Variants in CTNNA2 observed in about 807,000 individuals in gnomAD.
CTNNA2 encodes the protein catenin alpha-2.
A neutral mutation model predicts 101.0 loss-of-function variants in CTNNA2; 42 were observed. The ratio of observed to expected loss-of-function variants is 0.42; its 90% CI spans 0.32 to 0.54. The LOEUF (loss-of-function observed/expected upper bound fraction) is 0.54. CTNNA2 is among the 20% of genes least tolerant of loss of function. The pLI is 0.14. For missense variants in CTNNA2, 871 were observed against 1,223.1 expected, an observed-to-expected ratio of 0.71 and a Z score of 4.29; for synonymous variants, 450 against 456.4, an observed-to-expected ratio of 0.99 and a Z score of 0.18.
At chr2:80,498,014 G>A (rs949510080) in intron 9 of CTNNA2, among the ~76,000 whole-genome samples, 2 of 152,084 alleles carry the variant, frequency 1.3e-5, no homozygotes, top group East Asian at 1.9e-4. Flanking sequence ...ATAAACGTGG[G>A]TTGCTATAAG....
chr2:79,941,510 C>G (rs1270030311), intron 7 of CTNNA2, among the ~76,000 whole-genome samples: 1 of 152,208 alleles, frequency 6.6e-6, no homozygotes, highest in Admixed American at 6.5e-5. Context: ...TATTGCCCCA[C>G]AAGTAGCAGG....
At chr2:79,209,622 A>G (rs1158908127) in intron 2 of CTNNA2, among the ~76,000 whole-genome samples, 1 of 152,204 alleles carries the variant, frequency 6.6e-6, no homozygotes, top group Admixed American at 6.5e-5. Flanking sequence ...GTTAAACAAT[A>G]CTGGGACCAG....
chr2:80,401,471 G>T (rs1025782993), intron 8 of CTNNA2, among the ~76,000 whole-genome samples: 7 of 152,168 alleles, frequency 4.6e-5, no homozygotes, highest in Non-Finnish European at 2.9e-5. Context: ...AGAAGACTTA[G>T]CTCAAGAGCA....
chr2:80,505,484 G>T (rs72916918), intron 9 of CTNNA2, among the ~76,000 whole-genome samples: 1 of 152,128 alleles, frequency 6.6e-6, no homozygotes, highest in Non-Finnish European at 1.5e-5. Flanking sequence ...TGCCATTAGC[G>T]TAAATTGAGA....
intron 7 of CTNNA2, among the ~76,000 whole-genome samples, chr2:80,135,162 G>A (rs1386802948): frequency 6.6e-6 from 1 of 152,170 alleles, no homozygotes; most frequent in Non-Finnish European, 1.5e-5. Flanking sequence ...GTGGGGATTA[G>A]GCTTGGGTGA....
chr2:79,802,784 A>G (rs1676269917), intron 3 of CTNNA2, among the ~76,000 whole-genome samples: 1 of 152,194 alleles, frequency 6.6e-6, no homozygotes, highest in African/African-American at 2.4e-5. Context: ...TTTGTGTGTG[A>G]CTGTTTATGA....
intron 9 of CTNNA2, among the ~76,000 whole-genome samples, chr2:80,429,377 C>T (rs1036564532): frequency 2.0e-5 from 3 of 152,062 alleles, no homozygotes; most frequent in Non-Finnish European, 2.9e-5. Context: ...ATAATTGACC[C>T]AATGTCACAT....
chr2:79,529,382 T>C (rs752861606), intron 1 of CTNNA2, among the ~76,000 whole-genome samples: 73 of 152,062 alleles, frequency 4.8e-4, no homozygotes, highest in Non-Finnish European at 1.0e-3. Flanking sequence ...GTGTTGATGA[T>C]GTAAAATATG....
chr2:79,361,094 T>C (rs992724642), intron 3 of CTNNA2, among the ~76,000 whole-genome samples: 1 of 152,198 alleles, frequency 6.6e-6, no homozygotes, highest in Non-Finnish European at 1.5e-5. Context: ...TGCTTAACTA[T>C]TATTACTTTC....
intron 9 of CTNNA2, among the ~76,000 whole-genome samples, chr2:80,494,891 C>T (rs1198027791): frequency 6.6e-6 from 1 of 152,102 alleles, no homozygotes; most frequent in African/African-American, 2.4e-5. Flanking sequence ...CAAAATAGTT[C>T]CCAAGGAGTC....
intron 9 of CTNNA2, among the ~76,000 whole-genome samples, chr2:80,430,551 A>C (rs1234972805): frequency 6.6e-6 from 1 of 152,166 alleles, no homozygotes; most frequent in African/African-American, 2.4e-5. Context: ...TATAAATATT[A>C]ACCTTGTACA....
intron 15 of CTNNA2, among the ~76,000 whole-genome samples, chr2:80,600,322 T>C (rs1697372854): frequency 1.3e-5 from 2 of 151,952 alleles, no homozygotes; most frequent in Non-Finnish European, 2.9e-5. Context: ...TAAAGGAATG[T>C]ATGAAAAGCA....
At chr2:80,402,253 C>A (rs893647811) in intron 8 of CTNNA2, among the ~76,000 whole-genome samples, 1 of 152,200 alleles carries the variant, frequency 6.6e-6, no homozygotes, top group African/African-American at 2.4e-5. Flanking sequence ...GGGTGCACCA[C>A]CTTCCCTGTA....
At chr2:80,237,845 G>A (rs898157939) in intron 7 of CTNNA2, among the ~76,000 whole-genome samples, 2 of 152,124 alleles carry the variant, frequency 1.3e-5, no homozygotes, top group African/African-American at 4.8e-5. Flanking sequence ...AAGTGGTGGT[G>A]GGTTGAGTTG....
intron 7 of CTNNA2, among the ~76,000 whole-genome samples, chr2:80,009,260 G>T (rs1305687259): frequency 3.3e-5 from 5 of 152,170 alleles, no homozygotes; most frequent in Non-Finnish European, 4.4e-5. Context: ...CTGCATCTGG[G>T]CCTTCAATGT....
chr2:80,100,741 T>G (rs1432575930), intron 7 of CTNNA2, among the ~76,000 whole-genome samples: 1 of 152,238 alleles, frequency 6.6e-6, no homozygotes, highest in African/African-American at 2.4e-5. Flanking sequence ...ACTCTTCGTC[T>G]GAGGCTTGAA....
intron 7 of CTNNA2, among the ~76,000 whole-genome samples, chr2:80,152,316 TG>T (rs1294990692): frequency 1.0e-3 from 151 of 144,510 alleles, no homozygotes; most frequent in Middle Eastern, 3.4e-3. Context: ...TGCCACTTGA[TG>T]TTTTTTTTTT....
chr2:79,218,350 T>TGTGC lies in CTNNA2; in HGVS notation c.-406+20274_-406+20275insGTGC, dbSNP rs1553383232. Among the ~76,000 whole-genome samples, 5 of 60,068 alleles carry TGTGC rather than the reference T, an allele frequency of 8.3e-5. No homozygotes were observed. The South Asian group carries it at 2.5e-3, about 30-fold the overall frequency. 39.4% of individuals were successfully genotyped at this position (60,068 alleles called of 152,430 possible). On this transcript the variant is annotated intron_variant, in intron 2 of 21. Transcript: ENST00000466387. ...GTGTGTGTGTGTGTGTGTGTGTGTGTATTTTTTTTTTTTTTAGAGACAGGA... is the reference window on the plus strand; with the variant it reads ...GTGTGTGTGTGTGTGTGTGTGTGTGTGTGCATTTTTTTTTTTTTTAGAGACAGGA...
chr2:79,911,520 AGAAGTTTTTCT>A (rs1269231082), intron 7 of CTNNA2, among the ~76,000 whole-genome samples: 1 of 152,242 alleles, frequency 6.6e-6, no homozygotes, highest in East Asian at 1.9e-4. Context: ...CCTGCCAACT[AGAAGTTTTTCT>A]TTCAGTGTAA....
Sources: allele counts gnomAD v4.1 joint callset (sites outside exome capture counted in the v4.1 genomes callset), GRCh38; gene constraint gnomAD v4.1.1; transcripts MANE v1.5; gene names NCBI Gene and HGNC (gene_info 2026-07-23, HGNC 2026-07-21).